Variants in ACTN1 observed in about 807,000 individuals in gnomAD.
The protein encoded by ACTN1 is actinin alpha 1.
ACTN1 carries 30 observed loss-of-function variants against 119.6 expected under a neutral mutation model. The ratio of observed to expected loss-of-function variants is 0.25; its 90% confidence interval spans 0.19 to 0.34. ACTN1 has a LOEUF of 0.34. Ranked by LOEUF, ACTN1 falls within the 10% of genes least tolerant of loss-of-function variation. The pLI, the probability that ACTN1 is intolerant of heterozygous loss-of-function variation, is 1.00. For missense variants in ACTN1, 764 were observed against 1,223.4 expected (o/e 0.62, Z 5.60); for synonymous variants, 429 against 472.6 (o/e 0.91, Z 1.20).
chr14:68,922,851 T>C (rs921950832), intron 2 of ACTN1, among the ~76,000 whole-genome samples: 7 of 152,242 alleles, frequency 4.6e-5, no homozygotes, highest in Non-Finnish European at 8.8e-5. Flanking sequence ...CTGCCGATTC[T>C]GGTGTGGGTA....
chr14:68,911,522 C>A (rs1487141417), intron 4 of ACTN1, among the ~76,000 whole-genome samples: 1 of 152,176 alleles, frequency 6.6e-6, no homozygotes, highest in Non-Finnish European at 1.5e-5. Context: ...TTAAGAAATT[C>A]CTTTGATTAA....
chr14:68,895,554 C>T (rs568873309), intron 8 of ACTN1, among the ~76,000 whole-genome samples: 23 of 152,242 alleles, frequency 1.5e-4, no homozygotes, highest in African/African-American at 5.5e-4. Context: ...GAGAGACCCG[C>T]GTGTCCTCCT....
chr14:68,882,811 A>G lies in ACTN1; in HGVS notation c.1818+62T>C, dbSNP rs56060157. The G allele has an allele frequency of 0.05, 79,741 of 1,579,748 alleles. 2,319 individuals are homozygous for G. Among genetic ancestry groups the G allele is most frequent in the Non-Finnish European group, 0.058 (67,178 of 1,155,892 alleles). On this transcript the variant is annotated intron_variant, in intron 15 of 21. Transcript: ENST00000394419. The surrounding 1 kb of genome is among the most constrained non-coding windows in gnomAD (Gnocchi z 4.5). ...ATGAAATTGACAAAAATCAATTAAAATGGACAAAAATCCCTGCCTTTATGA... is the reference window on the plus strand; with the variant it reads ...ATGAAATTGACAAAAATCAATTAAAGTGGACAAAAATCCCTGCCTTTATGA...
chr14:68,936,107 T>G (rs980387564), intron 1 of ACTN1, among the ~76,000 whole-genome samples: 2 of 152,146 alleles, frequency 1.3e-5, no homozygotes, highest in Non-Finnish European at 2.9e-5. Context: ...CAGAAACTTT[T>G]CCCATCAGAA....
chr14:68,885,610 G>A lies in ACTN1; in HGVS notation c.1235-35C>T, dbSNP rs754888199. 5 of 1,604,414 alleles carry A rather than the reference G, an allele frequency of 3.1e-6. No homozygotes were observed. In the Admixed American group the frequency reaches 6.7e-5, roughly 21 times the overall value. ...GAGAGGGCCACATGGCTGAGCTGGA[G>A]TGAGAAGCATCTCCTTGGTCCCAAC... On this transcript the variant is annotated intron_variant, in intron 11 of 21. Transcript: ENST00000394419. The surrounding 1 kb of genome is among the most constrained non-coding windows in gnomAD (Gnocchi z 5.6).
intron 11 of ACTN1, chr14:68,887,610 T>A: frequency 2.8e-6 from 4 of 1,405,916 alleles, no homozygotes; most frequent in Non-Finnish European, 1.9e-6. Context: ...TGATTTCACC[T>A]CTTAAAAAAA....
At chr14:68,959,519 C>A (rs941785522) in intron 1 of ACTN1, among the ~76,000 whole-genome samples, 1 of 152,182 alleles carries the variant, frequency 6.6e-6, no homozygotes, top group Non-Finnish European at 1.5e-5. Context: ...CTTCCAAGTT[C>A]TCTTTTTGCT....
intron 7 of ACTN1, among the ~76,000 whole-genome samples, 183 bp from the exon 8 acceptor site, chr14:68,902,745 G>T (rs1015730472): frequency 2.6e-5 from 4 of 152,188 alleles, no homozygotes; most frequent in African/African-American, 9.7e-5. Flanking sequence ...CAGGTGAAAT[G>T]AAGCCCCAAA....
In ACTN1 at chr14:68,904,689, C is replaced by T. The variant is rs1477293916; in HGVS notation, c.642G>A (p.Lys214=). ...NLNTAFDVAE[K]YLDIPKMLDA... ...CCAGCATCTTGGGGATGTCCAGGTA[C>T]TTCTCTGCCACGTCAAAAGCCGTAT... Residue 214 remains lysine, a synonymous_variant, in exon 7 of 22, where the codon AAG becomes AAA. Transcript: ENST00000394419. 6.2e-7 allele frequency: 1 copy of T among 1,614,162 alleles called. No individual in the cohort carries two copies. The highest frequency in any genetic ancestry group is 1.7e-5 in the Admixed American group (1 of 60,024).
chr14:68,909,176 G>T lies in ACTN1; in HGVS notation c.594+142C>A. ...GGAAGGTGTTTTCTCTTCACTTTCA[G>T]TTGGGGCTCTGTCTGGCTATTCTAA... On this transcript the variant is annotated intron_variant, in intron 6 of 21. Transcript: ENST00000394419. The surrounding 1 kb of genome is among the most constrained non-coding windows in gnomAD (Gnocchi z 4.1). 1 of 766,142 alleles carries T rather than the reference G, an allele frequency of 1.3e-6. No individual in the cohort carries two copies. The highest frequency in any genetic ancestry group is 2.1e-6 in the Non-Finnish European group (1 of 468,528). The allele number at this position is 766,142 out of a possible 1,614,324, so 47.5% of individuals were successfully genotyped here.
At chr14:68,965,848 G>A (rs1196610264) in intron 1 of ACTN1, among the ~76,000 whole-genome samples, 1 of 152,204 alleles carries the variant, frequency 6.6e-6, no homozygotes, top group Non-Finnish European at 1.5e-5. Flanking sequence ...GGCTCCTAAA[G>A]AAGCTGTGTT....
chr14:68,924,113 C>T (rs373666648), intron 2 of ACTN1, among the ~76,000 whole-genome samples: 2 of 151,960 alleles, frequency 1.3e-5, no homozygotes, highest in South Asian at 2.1e-4. Flanking sequence ...AGGGGAGGGC[C>T]GGGGGGAGCG....
intron 3 of ACTN1, among the ~76,000 whole-genome samples, chr14:68,913,264 T>C (rs2034107050): frequency 6.6e-6 from 1 of 152,240 alleles, no homozygotes; most frequent in East Asian, 1.9e-4. Flanking sequence ...GAGCAATCTA[T>C]GGTCTTGTGG....
intron 9 of ACTN1, 37 bp from the exon 10 acceptor site, chr14:68,892,320 G>T: frequency 1.9e-6 from 3 of 1,582,308 alleles, no homozygotes; most frequent in Non-Finnish European, 2.6e-6. Flanking sequence ...GAGGTGAGGA[G>T]GCGGGGAGGG....
chr14:68,941,000 A>AC (rs1340170857), intron 1 of ACTN1, among the ~76,000 whole-genome samples: 3 of 151,870 alleles, frequency 2.0e-5, no homozygotes, highest in African/African-American at 7.3e-5. Context: ...GGGAACTCTG[A>AC]CCCCCATGGT....
Position 68,880,281 on chromosome 14 carries a change from A to T in ACTN1, c.2134-173T>A, listed in dbSNP as rs1356004509. On this transcript the variant is annotated intron_variant, in intron 17 of 21. Transcript: ENST00000394419. This position sits in a 1 kb window ranked among gnomAD's most constrained non-coding sequence, Gnocchi z 4.6. The stretch of plus-strand genomic sequence containing the variant: ...ACCAGGACAAGGACAACCTACTAGG[A>T]CAAGGACCCTAGATGACCAAGGGGC... Among the ~76,000 whole-genome samples the T allele has an allele frequency of 6.6e-6, 1 of 152,166 alleles. No homozygotes were observed. The highest frequency in any genetic ancestry group is 1.5e-5 in the Non-Finnish European group (1 of 68,014).
At chr14:68,960,205 G>A (rs929875438) in intron 1 of ACTN1, among the ~76,000 whole-genome samples, 10 of 152,140 alleles carry the variant, frequency 6.6e-5, no homozygotes, top group Non-Finnish European at 1.2e-4. Context: ...AGGGGAGGCA[G>A]GAGAGGCAGG....
At chr14:68,881,371 C>T (rs2031493341) in intron 16 of ACTN1, among the ~76,000 whole-genome samples, 2 of 152,138 alleles carry the variant, frequency 1.3e-5, no homozygotes, top group East Asian at 1.9e-4. Context: ...CTCGTAGCCT[C>T]GGCAGACCTC....
In ACTN1 at chr14:68,922,372, C is replaced by A. The variant is rs114135446; in HGVS notation, c.221-1247G>T. 8.5e-3 allele frequency among the ~76,000 whole-genome samples: 1,289 copies of A among 152,336 alleles called. 12 individuals carry two copies. The highest frequency in any genetic ancestry group is 0.029 in the African/African-American group (1,208 of 41,576). Reference sequence around the variant, plus strand: ...GCTGTCAGCTCCCAGGGAAGCACAGCTGTTTTTTAAATTAAATCAAGACTT... The same window carrying A: ...GCTGTCAGCTCCCAGGGAAGCACAGATGTTTTTTAAATTAAATCAAGACTT... On this transcript the variant is annotated intron_variant, in intron 2 of 21. Transcript: ENST00000394419.
Sources: allele counts gnomAD v4.1 joint callset (sites outside exome capture counted in the v4.1 genomes callset), GRCh38; gene constraint gnomAD v4.1.1; non-coding constraint Gnocchi (gnomAD v3.1); transcripts MANE v1.5; gene names NCBI Gene and HGNC (gene_info 2026-07-23, HGNC 2026-07-21).